EML6: variants seen among roughly 807,000 people sequenced by gnomAD.
The protein encoded by EML6 is echinoderm microtubule-associated protein-like 6.
In EML6, 154 loss-of-function variants were observed where a neutral mutation model predicts 240.1. The observed-to-expected ratio is 0.64, with a 90% CI of 0.56 to 0.73. The LOEUF is 0.73. Among genes scored for constraint, EML6 ranks in the 30% least tolerant of loss-of-function variants. The pLI, the probability that EML6 is intolerant of heterozygous loss-of-function variation, is 0.00. For synonymous variants in EML6, 1,148 were observed against 899.0 expected, an observed-to-expected ratio of 1.28 and a Z score of -4.95; for missense variants, 2,964 against 2,474.6, an observed-to-expected ratio of 1.20 and a Z score of -4.20.
chr2:54,945,861 G>A (rs1218606318), intron 28 of EML6, among the ~76,000 whole-genome samples: 5 of 152,224 alleles, frequency 3.3e-5, no homozygotes, highest in Non-Finnish European at 7.3e-5. Flanking sequence ...CCAGCGCTGG[G>A]CAGTGGGATG....
intron 2 of EML6, among the ~76,000 whole-genome samples, chr2:54,767,852 G>T (rs1668250642): frequency 6.6e-6 from 1 of 151,978 alleles, no homozygotes; most frequent in Non-Finnish European, 1.5e-5. Flanking sequence ...AAACTGCTGA[G>T]CTCAAGCGAT....
At chr2:54,968,440 C>G (rs1397150117) in intron 40 of EML6, among the ~76,000 whole-genome samples, 159 bp downstream of exon 40, 1 of 152,110 alleles carries the variant, frequency 6.6e-6, no homozygotes, top group Non-Finnish European at 1.5e-5. Flanking sequence ...GAGGGGCAGT[C>G]CTGGAAGCCA....
chr2:54,940,254 C>T (rs1200170048), intron 28 of EML6, among the ~76,000 whole-genome samples: 2 of 152,166 alleles, frequency 1.3e-5, no homozygotes, highest in Non-Finnish European at 2.9e-5. Flanking sequence ...CCACCTCATT[C>T]TTTCTGAGTT....
intron 2 of EML6, among the ~76,000 whole-genome samples, chr2:54,803,923 G>A (rs531008213): frequency 6.6e-6 from 1 of 152,326 alleles, no homozygotes; most frequent in East Asian, 1.9e-4. Context: ...ACATTCTGAG[G>A]AAATGGAAAT....
At chr2:54,911,706 G>A (rs1004910395) in intron 25 of EML6, among the ~76,000 whole-genome samples, 2 of 152,078 alleles carry the variant, frequency 1.3e-5, no homozygotes, top group East Asian at 3.8e-4. Context: ...CAAAGTGCTG[G>A]GATTACAGAC....
chr2:54,753,978 T>C (rs1341757838), intron 2 of EML6, among the ~76,000 whole-genome samples: 4 of 151,526 alleles, frequency 2.6e-5, no homozygotes, highest in Admixed American at 2.6e-4. Flanking sequence ...CTACTAAAAA[T>C]AGAAAAATTA....
intron 2 of EML6, among the ~76,000 whole-genome samples, chr2:54,787,698 G>A (rs1426082223): frequency 1.3e-5 from 2 of 152,168 alleles, no homozygotes; most frequent in African/African-American, 4.8e-5. Flanking sequence ...TGGGAGTCGT[G>A]TCTGGAGATG....
intron 10 of EML6, among the ~76,000 whole-genome samples, chr2:54,852,132 C>A (rs140787396): frequency 8.5e-5 from 13 of 152,156 alleles, no homozygotes. Flanking sequence ...GATCTTTGTT[C>A]TTCATAATTG....
At chr2:54,968,852 C>T (rs916822374) in intron 41 of EML6, 84 bp downstream of exon 41, 37 of 724,656 alleles carry the variant, frequency 5.1e-5, no homozygotes, top group Non-Finnish European at 5.1e-5. Context: ...GGGTCAGCCT[C>T]TCCCAGGGGC....
At chr2:54,737,367 C>T (rs994503985) in intron 2 of EML6, among the ~76,000 whole-genome samples, 4 of 152,084 alleles carry the variant, frequency 2.6e-5, no homozygotes, top group South Asian at 2.1e-4. Context: ...GGCGCGATCT[C>T]GGCTCACTGC....
rs190639569 is a variant in EML6, at chr2:54,885,861, T to C, written c.2439-5193T>C. 3.6e-3 allele frequency among the ~76,000 whole-genome samples: 552 copies of C among 152,196 alleles called. 2 individuals carry two copies. The highest frequency in any genetic ancestry group is 0.013 in the African/African-American group (531 of 41,552). On this transcript the variant is annotated intron_variant, in intron 17 of 41. Transcript: ENST00000356458. ...CTCCTGACCTCGTGATCCCCCTGCC[T>C]CGGCCTCCCAAAGTGCTGAGATTAC...
At chr2:54,778,912 G>GAAAT (rs1668722090) in intron 2 of EML6, among the ~76,000 whole-genome samples, 1 of 127,404 alleles carries the variant, frequency 7.8e-6, no homozygotes, top group African/African-American at 3.5e-5. Context: ...AAGAAAGAAA[G>GAAAT]AAAAGAAGTG....
chr2:54,902,820 C>A (rs1673129446), intron 22 of EML6, among the ~76,000 whole-genome samples: 1 of 152,206 alleles, frequency 6.6e-6, no homozygotes. Flanking sequence ...AGAGTTCCAC[C>A]TGCCTCGACC....
At chr2:54,959,463 G>A (rs1676394466) in intron 34 of EML6, among the ~76,000 whole-genome samples, 1 of 152,062 alleles carries the variant, frequency 6.6e-6, no homozygotes, top group Non-Finnish European at 1.5e-5. Flanking sequence ...GTGGTTTGAT[G>A]ATAGTTTAAA....
In EML6 at chr2:54,863,882, A is replaced by G; in HGVS notation, c.1925A>G (p.Asp642Gly). The G allele has an allele frequency of 6.5e-7, 1 of 1,534,348 alleles. No individual in the cohort carries two copies. Reference protein sequence around the residue: ...DIEQEAQINYDRQVYKEDLPQ... With the variant: ...DIEQEAQINYGRQVYKEDLPQ... Reference sequence around the variant, plus strand: ...GAGCAAGAAGCTCAAATCAATTATGATCGCCAGGTCGGTAAGCAGGGAGCA... The same window carrying G: ...GAGCAAGAAGCTCAAATCAATTATGGTCGCCAGGTCGGTAAGCAGGGAGCA... Residue 642 changes from aspartate (D) to glycine (G), a missense_variant, in exon 13 of 42, where the codon GAT becomes GGT. Physicochemically the swap from Asp to Gly is moderately conservative, Grantham distance 94 (BLOSUM62 -1). Transcript: ENST00000356458.
chr2:54,853,882 C>CA lies in EML6; in HGVS notation c.1657+28dup, dbSNP rs1295091379. The stretch of plus-strand genomic sequence containing the variant: ...TAAGGCCAAAAGAGATGTTTCATTG[C>CA]ATAAAGATTTACTCTAAACTGTATA... On this transcript the variant is annotated intron_variant, in intron 11 of 41. Transcript: ENST00000356458. The CA allele has an allele frequency of 4.8e-6, 7 of 1,463,870 alleles. No individual in the cohort carries two copies. The African/African-American group carries it at 8.4e-5, about 18-fold the overall frequency. The allele number at this position is 1,463,870 out of a possible 1,614,324, so 90.7% of individuals were successfully genotyped here. A position where few individuals can be genotyped will look rare whatever the true frequency, so the allele number is the denominator to read the frequency against.
At chr2:54,889,638 C>G (rs898954949) in intron 17 of EML6, among the ~76,000 whole-genome samples, 1 of 152,074 alleles carries the variant, frequency 6.6e-6, no homozygotes, top group Non-Finnish European at 1.5e-5. Context: ...ATTTTATATA[C>G]TGTACCTTTA....
In EML6 at chr2:54,959,851, G is replaced by A. The variant is rs573408087; in HGVS notation, c.4854-369G>A. On this transcript the variant is annotated intron_variant, in intron 34 of 41. Coordinates refer to ENST00000356458, the MANE Select transcript of EML6 (RefSeq NM_001039753.4). The stretch of plus-strand genomic sequence containing the variant: ...TGCTGTTGATAAAACGTTATTCTTA[G>A]TAGCTCTGTGGAGGAATGGAGGAAG... Among the ~76,000 whole-genome samples, 10 of 152,338 alleles carry A rather than the reference G, an allele frequency of 6.6e-5. No homozygotes were observed. In the South Asian group the frequency reaches 1.9e-3, roughly 28 times the overall value.
rs117523509 is a variant in EML6, at chr2:54,919,537, G to T, written c.3675+2602G>T. 7.8e-4 allele frequency among the ~76,000 whole-genome samples: 118 copies of T among 152,172 alleles called. 1 individual carries two copies. The East Asian group carries it at 0.02, about 26-fold the overall frequency. On this transcript the variant is annotated intron_variant, in intron 26 of 41. Transcript: ENST00000356458. ...TACGTTCATTGCCCATCCCAAAGCC[G>T]CCTGGCAACCTTCTGCCAATGATCT...
Sources: gnomAD v4.1 joint callset for allele counts (sites outside exome capture counted in the v4.1 genomes callset) on GRCh38, gnomAD v4.1.1 for gene constraint, MANE v1.5 for transcripts, NCBI Gene and HGNC (gene_info 2026-07-23, HGNC 2026-07-21) for gene names.